ADAM19: variants seen among roughly 807,000 people sequenced by gnomAD.
ADAM19 encodes disintegrin and metalloproteinase domain-containing protein 19.
ADAM19 carries 65 observed loss-of-function variants against 114.7 expected under a neutral mutation model. The observed-to-expected ratio is 0.57, with a 90% CI of 0.46 to 0.70. ADAM19 has a LOEUF of 0.70. ADAM19 is among the 30% of genes least tolerant of loss of function. ADAM19 has a pLI of 0.00. For synonymous variants in ADAM19, 466 were observed against 460.5 expected, an observed-to-expected ratio of 1.01 and a Z score of -0.15; for missense variants, 1,063 against 1,204.7, an observed-to-expected ratio of 0.88 and a Z score of 1.74.
At position 157,490,338 on chromosome 5, in the gene ADAM19, G is replaced by T. The variant is rs546540254; in HGVS notation, c.2212C>A (p.Leu738Ile). 9.9e-6 allele frequency: 16 copies of T among 1,614,054 alleles called. No individual in the cohort carries two copies. Among genetic ancestry groups the T allele is most frequent in the African/African-American group, 2.7e-5 (2 of 75,012 alleles). ...AACTGTTGCCTCAGCTTGGAAGGGAGAGCTGAGGGCTTGAGTTGGCCTAGT... is the reference window on the plus strand; with the variant it reads ...AACTGTTGCCTCAGCTTGGAAGGGATAGCTGAGGGCTTGAGTTGGCCTAGT... Reference protein sequence around the residue: ...NKLGQLKPSALPSKLRQQFSC... With the variant: ...NKLGQLKPSAIPSKLRQQFSC... The change falls in exon 19 of 23, where the codon CTC becomes ATC. Residue 738 changes from leucine to isoleucine, a missense_variant. By Grantham distance (5) the Leu-to-Ile change is conservative. Around this residue, in one of 3 missense-constraint regions of ADAM19, gnomAD observed 424 missense variants for 445.5 expected, o/e 0.95. Transcript: ENST00000257527.
chr5:157,514,149 C>T (rs556644863), intron 7 of ADAM19, among the ~76,000 whole-genome samples: 2 of 152,210 alleles, frequency 1.3e-5, no homozygotes, highest in Admixed American at 6.5e-5. Flanking sequence ...GCCGGGAAAA[C>T]GTGCACAGAA....
chr5:157,559,925 A>C (rs1444159190), intron 3 of ADAM19, among the ~76,000 whole-genome samples: 1 of 152,124 alleles, frequency 6.6e-6, no homozygotes, highest in African/African-American at 2.4e-5. Flanking sequence ...AAATTTCCTG[A>C]GGCAGAGACT....
chr5:157,500,943 T>C (rs1755542606), intron 12 of ADAM19, among the ~76,000 whole-genome samples: 1 of 152,158 alleles, frequency 6.6e-6, no homozygotes, highest in Admixed American at 6.5e-5. Flanking sequence ...ATGCTGTGGC[T>C]CAGGCAAGTC....
At chr5:157,529,806 C>T (rs2113754413) in intron 5 of ADAM19, among the ~76,000 whole-genome samples, 1 of 152,350 alleles carries the variant, frequency 6.6e-6, no homozygotes, top group Middle Eastern at 3.4e-3. Context: ...TGGTAAACTG[C>T]TACCAGCTCA....
chr5:157,498,657 T>C (rs1320167263), intron 13 of ADAM19, among the ~76,000 whole-genome samples: 1 of 148,144 alleles, frequency 6.8e-6, no homozygotes, highest in Non-Finnish European at 1.5e-5. Flanking sequence ...TATGTACATG[T>C]GTGTACATAT....
At chr5:157,494,282 T>C (rs1168117299) in intron 15 of ADAM19, among the ~76,000 whole-genome samples, 18 of 151,638 alleles carry the variant, frequency 1.2e-4, no homozygotes, top group Admixed American at 9.2e-4. Context: ...GATGGATGGA[T>C]GGATGGATGG....
intron 7 of ADAM19, 42 bp from the exon 8 acceptor site, chr5:157,513,547 T>C (rs1755997528): frequency 1.3e-6 from 2 of 1,564,832 alleles, no homozygotes; most frequent in African/African-American, 2.7e-5. Flanking sequence ...CCAGAACCTC[T>C]CACAGGATGC....
chr5:157,502,748 T>C (rs1002377169), intron 12 of ADAM19, 55 bp downstream of exon 12: 2 of 1,585,006 alleles, frequency 1.3e-6, no homozygotes, highest in African/African-American at 2.7e-5. Context: ...TGACCTTGAG[T>C]TTTGAAACCA....
chr5:157,534,153 GAC>G (rs1384319478), intron 4 of ADAM19, among the ~76,000 whole-genome samples: 1 of 152,016 alleles, frequency 6.6e-6, no homozygotes, highest in African/African-American at 2.4e-5. Flanking sequence ...TTGTGATGAT[GAC>G]ACCTACAACT....
chr5:157,492,055 G>A, intron 16 of ADAM19, 143 bp from the exon 17 acceptor site: 1 of 684,388 alleles, frequency 1.5e-6, no homozygotes, highest in Admixed American at 2.2e-5. Flanking sequence ...ACTTTGGGAG[G>A]CTGAGGTGGG....
rs772155446 is a variant in ADAM19, at chr5:157,493,182, G to A, written c.1704-5C>T. ...ATCTTCCCACACTTCGCATCTCTGG[G>A]CACAAGAGACAGAGAGGGAAGGAAG... On this transcript the variant is annotated splice_region_variant and splice_polypyrimidine_tract_variant and intron_variant, in intron 15 of 22. Transcript: ENST00000257527. 63 of 1,612,214 alleles carry A rather than the reference G, an allele frequency of 3.9e-5. No individual in the cohort carries two copies. The highest frequency in any genetic ancestry group is 1.3e-4 in the Admixed American group (8 of 59,986).
Position 157,532,112 on chromosome 5 carries a change from T to G in ADAM19, c.331-1229A>C, listed in dbSNP as rs116424253. 1.9e-3 allele frequency among the ~76,000 whole-genome samples: 292 copies of G among 152,328 alleles called. 3 individuals carry two copies. The highest frequency in any genetic ancestry group is 6.7e-3 in the African/African-American group (279 of 41,576). On this transcript the variant is annotated intron_variant, in intron 4 of 22. Transcript: ENST00000257527. ...CACATCTGGATTGTACTTGATTTGG[T>G]ACCTGTGCCCGTGAGGTCTGCTGCT...
rs1406555471 is a variant in ADAM19 at position 157,507,145 on chromosome 5, A to AG, written c.906-6dup. 1 of 1,613,528 alleles carries AG rather than the reference A, an allele frequency of 6.2e-7. No individual in the cohort carries two copies. The highest frequency in any genetic ancestry group is 1.7e-5 in the Admixed American group (1 of 59,990). On this transcript the variant is annotated splice_region_variant and splice_polypyrimidine_tract_variant and intron_variant, in intron 9 of 22. Transcript: ENST00000257527. ...GTGCCGTGGAAGGACATGCCCCTGC[A>AG]GGAGGCAAGGAGAGACGGTGACCGG...
Position 157,519,862 on chromosome 5 carries a change from G to C in ADAM19, c.577C>G (p.Gln193Glu). The change falls in exon 6 of 23, where the codon CAG becomes GAG. Residue 193 changes from glutamine to glutamate, a missense_variant. Around this residue, in one of 3 missense-constraint regions of ADAM19, gnomAD observed 615 missense variants for 706.3 expected, o/e 0.87. Transcript: ENST00000257527. ...ACCCTGCGAGGTCGCTTCTTGGTCT[G>C]TTGTGTAAACTGAAGAGCCCAGTCC... is the stretch of plus-strand genomic sequence containing the variant. Reference protein sequence around the residue: ...TRDWALQFTQQTKKRPRRMKR... With the variant: ...TRDWALQFTQETKKRPRRMKR... 1 of 1,613,836 alleles carries C rather than the reference G, an allele frequency of 6.2e-7. No homozygotes were observed. The highest frequency in any genetic ancestry group is 8.5e-7 in the Non-Finnish European group (1 of 1,179,832).
chr5:157,528,048 A>C (rs1160095683), intron 5 of ADAM19, among the ~76,000 whole-genome samples: 2 of 152,118 alleles, frequency 1.3e-5, no homozygotes. Flanking sequence ...ATCACTATGG[A>C]GATTTTTCAC....
chr5:157,538,807 A>C (rs1328451921), intron 3 of ADAM19, among the ~76,000 whole-genome samples: 1 of 152,236 alleles, frequency 6.6e-6, no homozygotes, highest in African/African-American at 2.4e-5. Flanking sequence ...GAAAAATATA[A>C]GAGTCAAATG....
At position 157,520,618 on chromosome 5, in the gene ADAM19, TC is replaced by T. The variant is rs554159441; in HGVS notation, c.408-588del. On this transcript the variant is annotated intron_variant, in intron 5 of 22. Coordinates refer to ENST00000257527, the MANE Select transcript of ADAM19 (RefSeq NM_033274.5). Reference sequence around the variant, plus strand: ...TAAATCTCTCCAAGCGTCAGTTTCCTCATCCCTAACACGGCAATGATAACTT... The same window carrying T: ...TAAATCTCTCCAAGCGTCAGTTTCCTATCCCTAACACGGCAATGATAACTT... 1.5e-4 allele frequency among the ~76,000 whole-genome samples: 23 copies of T among 152,316 alleles called. No individual in the cohort carries two copies. In the East Asian group the frequency reaches 4.4e-3, roughly 29 times the overall value.
chr5:157,555,880 A>G (rs1382130603), intron 3 of ADAM19, among the ~76,000 whole-genome samples: 1 of 152,000 alleles, frequency 6.6e-6, no homozygotes, highest in African/African-American at 2.4e-5. Context: ...TGGCTGCACC[A>G]CTCTAATCTC....
chr5:157,518,894 A>G lies in ADAM19; in HGVS notation c.601-6T>C. 6.2e-7 allele frequency: 1 copy of G among 1,613,100 alleles called. No homozygotes were observed. Among genetic ancestry groups the G allele is most frequent in the South Asian group, 1.1e-5 (1 of 91,062 alleles). ...TTTAAATCTTCCCTTTTCATCTAAG[A>G]AAGAGAAACAGATCAGCGCTGTAGA... On this transcript the variant is annotated splice_polypyrimidine_tract_variant and splice_region_variant and intron_variant, in intron 6 of 22. Transcript: ENST00000257527.
Sources: gnomAD v4.1 joint callset for allele counts (sites outside exome capture counted in the v4.1 genomes callset) on GRCh38, gnomAD v4.1.1 for gene constraint, gnomAD v4.1.1 regional missense constraint, MANE v1.5 for transcripts, NCBI Gene and HGNC (gene_info 2026-07-23, HGNC 2026-07-21) for gene names.